Variants in UMODL1 observed in about 807,000 individuals in gnomAD.
The protein encoded by UMODL1 is uromodulin-like 1.
UMODL1 carries 128 observed loss-of-function variants against 136.3 expected under a neutral mutation model. The ratio of observed to expected loss-of-function variants is 0.94; its 90% CI spans 0.81 to 1.09. UMODL1 has a LOEUF of 1.09. UMODL1 is among the 50% of genes least tolerant of loss of function. The pLI is 0.00. For synonymous variants in UMODL1, 721 were observed against 720.0 expected (o/e 1.00, Z -0.02); for missense variants, 1,766 against 1,725.6 (o/e 1.02, Z -0.41).
intron 7 of UMODL1, 31 bp from the exon 8 acceptor site, chr21:42,102,135 A>G: frequency 6.5e-7 from 1 of 1,541,954 alleles, no homozygotes; most frequent in Non-Finnish European, 8.9e-7. Context: ...ACTTTTGACC[A>G]CAGGCTAATT....
chr21:42,081,240 G>A (rs1257970479), intron 2 of UMODL1, among the ~76,000 whole-genome samples: 3 of 152,174 alleles, frequency 2.0e-5, no homozygotes, highest in Non-Finnish European at 4.4e-5. Context: ...TCCCGACCAG[G>A]CGAAGAGGCC....
intron 9 of UMODL1, among the ~76,000 whole-genome samples, chr21:42,106,872 C>T (rs921705471): frequency 6.6e-6 from 1 of 152,216 alleles, no homozygotes; most frequent in Non-Finnish European, 1.5e-5. Flanking sequence ...AGCAACATCC[C>T]ACCTCCTATG....
At chr21:42,075,241 T>TG (rs35546438) in intron 1 of UMODL1, among the ~76,000 whole-genome samples, 15,329 of 142,858 alleles carry the variant, frequency 0.11, 1,123 homozygotes, top group Admixed American at 0.28. Context: ...TTGCTGGAGA[T>TG]GGGGGGGGGG....
At chr21:42,140,446 C>A (rs2067266758) in intron 22 of UMODL1, among the ~76,000 whole-genome samples, 1 of 151,952 alleles carries the variant, frequency 6.6e-6, no homozygotes, top group South Asian at 2.1e-4. Context: ...CCTCCCAGGT[C>A]ACATGGCTGG....
intron 2 of UMODL1, among the ~76,000 whole-genome samples, chr21:42,076,546 C>A (rs901308611): frequency 2.6e-5 from 4 of 152,238 alleles, no homozygotes; most frequent in African/African-American, 7.2e-5. Context: ...TCAGAGGGCT[C>A]CTGGATGGCT....
intron 12 of UMODL1, among the ~76,000 whole-genome samples, chr21:42,112,668 T>A (rs1398983266): frequency 7.2e-5 from 11 of 152,072 alleles, no homozygotes; most frequent in Admixed American, 7.2e-4. Flanking sequence ...CCAGCTGTTT[T>A]GTGCCCCCTC....
At chr21:42,068,597 C>T (rs1374768042), upstream of UMODL1, among the ~76,000 whole-genome samples, 1 of 152,216 alleles carries the variant, frequency 6.6e-6, no homozygotes, top group African/African-American at 2.4e-5. The surrounding 1 kb of genome is among the most constrained non-coding windows in gnomAD (Gnocchi z 5.5). Flanking sequence ...GCTTCTCCCA[C>T]CCTGCCTCTT....
At position 42,099,070 on chromosome 21, in the gene UMODL1, A is replaced by G. The variant is rs534055656; in HGVS notation, c.1076A>G (p.Gln359Arg). The G allele has an allele frequency of 6.2e-7, 1 of 1,614,206 alleles. No homozygotes were observed. The highest frequency in any genetic ancestry group is 1.3e-5 in the African/African-American group (1 of 75,062). ...GAGTTGCTCAGGAGCGCCAGGACAC[A>G]GAGCCAGGCACTGGCAGTGGCTGGG... The part of the protein sequence containing the change: ...GMELLRSART[Q>R]SQALAVAGLE... Residue 359 changes from glutamine (Q) to arginine (R), a missense_variant, in exon 7 of 23, where the codon CAG becomes CGG. By Grantham distance (43) the Gln-to-Arg change is conservative (BLOSUM62 1). Transcript: ENST00000408910. This position sits in a 1 kb window ranked among gnomAD's most constrained non-coding sequence, Gnocchi z 4.1.
chr21:42,106,336 A>C (rs1055296488), intron 9 of UMODL1, among the ~76,000 whole-genome samples: 11 of 152,248 alleles, frequency 7.2e-5, no homozygotes, highest in African/African-American at 2.7e-4. Flanking sequence ...GGCAAAAAAA[A>C]CAAGAAACGA....
chr21:42,128,215 C>G, intron 20 of UMODL1: 1 of 316,158 alleles, frequency 3.2e-6, no homozygotes, highest in Non-Finnish European at 6.2e-6. Flanking sequence ...TACTAAATAT[C>G]AGACACTCTG....
Position 42,082,105 on chromosome 21 carries a change from C to T in UMODL1, c.320-1979C>T, listed in dbSNP as rs115752506. On this transcript the variant is annotated intron_variant, in intron 2 of 22. Transcript: ENST00000408910. Reference sequence around the variant, plus strand: ...GAGGAATGCCCACAGCAAGGCCGGGCGCCAGGCAGACAGGGCTGGGTGAGG... The same window carrying T: ...GAGGAATGCCCACAGCAAGGCCGGGTGCCAGGCAGACAGGGCTGGGTGAGG... Among the ~76,000 whole-genome samples, 391 of 152,322 alleles carry T rather than the reference C, an allele frequency of 2.6e-3. 2 individuals are homozygous for T. The highest frequency in any genetic ancestry group is 8.9e-3 in the African/African-American group (368 of 41,576).
intron 9 of UMODL1, among the ~76,000 whole-genome samples, chr21:42,105,952 A>C (rs1451116595): frequency 6.6e-6 from 1 of 152,216 alleles, no homozygotes; most frequent in African/African-American, 2.4e-5. Context: ...GTGGTCCTGC[A>C]GAAGTTATTA....
intron 6 of UMODL1, chr21:42,093,921 G>A (rs1056209275): frequency 6.6e-6 from 3 of 456,650 alleles, no homozygotes; most frequent in East Asian, 1.4e-4. Context: ...CACATCCCAC[G>A]GCACCCCACT....
At chr21:42,129,996 G>A (rs973393253) in intron 21 of UMODL1, among the ~76,000 whole-genome samples, 199 bp downstream of exon 21, 1 of 152,204 alleles carries the variant, frequency 6.6e-6, no homozygotes, top group African/African-American at 2.4e-5. Context: ...TTCTTTACAT[G>A]CAGAATGTAA....
Position 42,110,903 on chromosome 21 carries a change from G to A in UMODL1, c.1681G>A (p.Gly561Ser), listed in dbSNP as rs749140004. The stretch of plus-strand genomic sequence containing the variant: ...AGGTGACCTGGTGAGCCCCATGGGC[G>A]GTGGACTGTCTGCGGCAACAGGGGT... Reference protein sequence around the residue: ...CEGDLVSPMGGGLSAATGVTV... With the variant: ...CEGDLVSPMGSGLSAATGVTV... The change falls in exon 11 of 23, where the codon GGT becomes AGT. Residue 561 changes from glycine to serine, a missense_variant. By Grantham distance (56) the Gly-to-Ser change is moderately conservative. Transcript: ENST00000408910. The A allele has an allele frequency of 3.3e-5, 53 of 1,610,578 alleles. No homozygotes were observed. Among genetic ancestry groups the A allele is most frequent in the African/African-American group, 5.3e-5 (4 of 74,892 alleles).
At position 42,109,690 on chromosome 21, in the gene UMODL1, G is replaced by A; in HGVS notation, c.1648G>A (p.Ala550Thr). The change falls in exon 10 of 23, where the codon GCC becomes ACC. Residue 550 changes from alanine to threonine, a missense_variant. Transcript: ENST00000408910. ...CGCCACCCCCTCCCGCGCAGGCCGG[G>A]CCTGTGAGGGTACGTGTCGACCCCC... The part of the protein sequence containing the change: ...RDATPSRAGR[A>T]CEGDLVSPMG... 1 of 1,603,028 alleles carries A rather than the reference G, an allele frequency of 6.2e-7. No homozygotes were observed. Among genetic ancestry groups the A allele is most frequent in the South Asian group, 1.1e-5 (1 of 91,062 alleles).
chr21:42,140,300 C>CGGTCCAGGGCAAGAAGGGATAGGT (rs2067262438), intron 22 of UMODL1, among the ~76,000 whole-genome samples: 1 of 89,884 alleles, frequency 1.1e-5, no homozygotes. Context: ...AAGGGATAGA[C>CGGTCCAGGGCAAGAAGGGATAGGT]GTCCCAGGTC....
At chr21:42,141,154 G>A (rs932792786) in intron 22 of UMODL1, among the ~76,000 whole-genome samples, 5 of 152,224 alleles carry the variant, frequency 3.3e-5, no homozygotes, top group Non-Finnish European at 7.3e-5. Flanking sequence ...GGGGCCCAGA[G>A]AACTCAAGCC....
At chr21:42,076,854 G>T (rs970462541) in intron 2 of UMODL1, among the ~76,000 whole-genome samples, 4 of 152,194 alleles carry the variant, frequency 2.6e-5, no homozygotes, top group African/African-American at 9.6e-5. Context: ...CCTCAGTGCA[G>T]TTTGGAAGCT....
Sources: gnomAD v4.1 joint callset for allele counts (sites outside exome capture counted in the v4.1 genomes callset) on GRCh38, gnomAD v4.1.1 for gene constraint, Gnocchi (gnomAD v3.1) non-coding constraint, MANE v1.5 for transcripts, NCBI Gene and HGNC (gene_info 2026-07-23, HGNC 2026-07-21) for gene names.